CLCN7: variants seen among roughly 807,000 people sequenced by gnomAD.
The protein encoded by CLCN7 is Cl-/H+ antiporter 7.
CLCN7 carries 60 observed loss-of-function variants against 102.1 expected under a neutral mutation model. The ratio of observed to expected loss-of-function variants is 0.59; its 90% confidence interval spans 0.48 to 0.73. The LOEUF is 0.73. CLCN7 is among the 30% of genes least tolerant of loss of function. CLCN7 has a pLI of 0.00. For missense variants in CLCN7, 962 were observed against 1,125.7 expected (o/e 0.85, Z 2.08); for synonymous variants, 560 against 490.5 (o/e 1.14, Z -1.87).
In CLCN7 at chr16:1,448,280, C is replaced by T. The variant is rs1196791308; in HGVS notation, c.2013+75G>A. ...CGTGCAGCTTCCCCATCCTGCAAAC[C>T]TTGCCGTGTGCTTCCCACCAATGGA... On this transcript the variant is annotated intron_variant, in intron 21 of 24. Coordinates refer to ENST00000382745, the MANE Select transcript of CLCN7 (RefSeq NM_001287.6). The T allele has an allele frequency of 8.2e-6, 13 of 1,589,654 alleles. 1 individual carries two copies. In the South Asian group the frequency reaches 1.0e-4, roughly 12 times the overall value.
chr16:1,449,615 G>A (rs567684015), intron 17 of CLCN7: 16 of 514,890 alleles, frequency 3.1e-5, no homozygotes, highest in Middle Eastern at 5.2e-4. Context: ...AGGGAGCACC[G>A]TCCAGCATGA....
chr16:1,447,241 G>T, intron 23 of CLCN7, 151 bp downstream of exon 23: 1 of 1,155,734 alleles, frequency 8.7e-7, no homozygotes, highest in Non-Finnish European at 1.2e-6. Flanking sequence ...CTTGACTTCA[G>T]CTCTAAAGCC....
chr16:1,450,773 GCAAC>G, intron 16 of CLCN7, 107 bp from the exon 17 acceptor site: 1 of 965,582 alleles, frequency 1.0e-6, no homozygotes, highest in Non-Finnish European at 1.5e-6. Context: ...CAGGAGCCCA[GCAAC>G]CTGAGCTCCC....
intron 1 of CLCN7, among the ~76,000 whole-genome samples, 166 bp downstream of exon 1, chr16:1,474,668 C>A (rs1567279469): frequency 6.6e-6 from 1 of 151,992 alleles, no homozygotes. Context: ...CAGGCGCCCC[C>A]GCCAGCCCGG....
rs768525131 is a variant in CLCN7 at position 1,460,902 on chromosome 16, A to G, written c.398T>C (p.Ile133Thr). The G allele has an allele frequency of 7.4e-6, 12 of 1,613,790 alleles. No individual in the cohort carries two copies. Among genetic ancestry groups the G allele is most frequent in the Admixed American group, 3.3e-5 (2 of 60,012 alleles). Residue 133 changes from isoleucine to threonine, a missense_variant, in exon 5 of 25, where the codon ATT becomes ACT. Around this residue, in one of 2 missense-constraint regions of CLCN7, gnomAD observed 799 missense variants for 988.0 expected, o/e 0.81. Transcript: ENST00000382745. ...EIKRWVICAL[I>T]GILTGLVACF... ...GGCCACGAGGCCCGTGAGGATCCCA[A>G]TGAGGGCGCAGATGACCCAGCGCTT...
chr16:1,455,791 C>G lies in CLCN7; in HGVS notation c.921G>C (p.Gly307=), dbSNP rs114169064. 6.2e-7 allele frequency: 1 copy of G among 1,613,330 alleles called. No homozygotes were observed. The highest frequency in any genetic ancestry group is 1.1e-5 in the South Asian group (1 of 91,092). Residue 307 remains glycine, a synonymous_variant, in exon 11 of 25, where the codon GGG becomes GGC. Coordinates refer to ENST00000382745, the MANE Select transcript of CLCN7 (RefSeq NM_001287.6). ...CACCCTCCTCCAAGCTGAACAGGAC[C>G]CCACCTGGAAGGCAGGCGGCCGGCT... ...VSAAFGAPVG[G]VLFSLEEGAS... is the part of the protein sequence containing the mutation.
At position 1,455,583 on chromosome 16, in the gene CLCN7, T is replaced by TGCTTTGG. The variant is rs2038822370; in HGVS notation, c.981+141_981+147dup. 3.4e-6 allele frequency: 3 copies of TGCTTTGG among 877,794 alleles called. No individual in the cohort carries two copies. In the East Asian group the frequency reaches 7.8e-5, roughly 23 times the overall value. The allele number at this position is 877,794 out of a possible 1,614,324, so 54.4% of individuals were successfully genotyped here. A position where few individuals can be genotyped will look rare whatever the true frequency, so the allele number is the denominator to read the frequency against. On this transcript the variant is annotated intron_variant, in intron 11 of 24. Coordinates refer to ENST00000382745, the MANE Select transcript of CLCN7 (RefSeq NM_001287.6). ...AACTGGGCAGCAAAGGCAGGACCGC[T>TGCTTTGG]GCTTTGGGCAGGACCAAGGCCTGAC... is the stretch of plus-strand genomic sequence containing the variant.
chr16:1,455,325 A>T (rs1212333941), intron 11 of CLCN7, 75 bp from the exon 12 acceptor site: 5 of 965,190 alleles, frequency 5.2e-6, no homozygotes, highest in Non-Finnish European at 8.5e-6. Context: ...AGCAGGGACC[A>T]TCGCCCCTCC....
In CLCN7 at chr16:1,452,760, G is replaced by A; in HGVS notation, c.1348C>T (p.Leu450=). 1 of 1,598,668 alleles carries A rather than the reference G, an allele frequency of 6.3e-7. No homozygotes were observed. The highest frequency in any genetic ancestry group is 8.5e-7 in the Non-Finnish European group (1 of 1,173,180). Residue 450 remains leucine, a synonymous_variant, in exon 15 of 25, where the codon CTG becomes TTG. Coordinates refer to ENST00000382745, the MANE Select transcript of CLCN7 (RefSeq NM_001287.6). ...GCCCGGGCCCAGCCTCCCACCTGCAGCGGGTAGGACATGGAGCCCCCCTGC... is the reference window on the plus strand; with the variant it reads ...GCCCGGGCCCAGCCTCCCACCTGCAACGGGTAGGACATGGAGCCCCCCTGC... ...PLQGGSMSYP[L]QLFCADGEYN...
At chr16:1,460,981 G>A (rs756456860) in intron 4 of CLCN7, 33 bp from the exon 5 acceptor site, 7 of 1,608,016 alleles carry the variant, frequency 4.4e-6, no homozygotes, top group South Asian at 3.3e-5. Context: ...GGGTCAGGCA[G>A]GGCCCTGGCG....
Position 1,446,629 on chromosome 16 carries a change from C to A in CLCN7, c.*2G>T. The A allele has an allele frequency of 6.4e-7, 1 of 1,561,700 alleles. No individual in the cohort carries two copies. The highest frequency in any genetic ancestry group is 1.2e-5 in the South Asian group (1 of 85,150). Reference sequence around the variant, plus strand: ...AGTGCCCATTATGGGCAGGGCTGGGCCTCACGTCTGGGCCAGCGAGAGCTC... The same window carrying A: ...AGTGCCCATTATGGGCAGGGCTGGGACTCACGTCTGGGCCAGCGAGAGCTC... On this transcript the variant is annotated 3_prime_UTR_variant, in exon 25 of 25. Coordinates refer to ENST00000382745, the MANE Select transcript of CLCN7 (RefSeq NM_001287.6).
In CLCN7 at chr16:1,450,758, C is replaced by T. The variant is rs946908135; in HGVS notation, c.1448-92G>A. 3.5e-6 allele frequency: 4 copies of T among 1,126,966 alleles called. No homozygotes were observed. In the Admixed American group the frequency reaches 9.3e-5, roughly 26 times the overall value. 69.8% of individuals were successfully genotyped at this position (1,126,966 alleles called of 1,614,324 possible). ...TGCCCAGTCTCGGGCCTCACAGTCA[C>T]CTTCCAGGAGCCCAGCAACCTGAGC... On this transcript the variant is annotated intron_variant, in intron 16 of 24. Coordinates refer to ENST00000382745, the MANE Select transcript of CLCN7 (RefSeq NM_001287.6).
chr16:1,452,761 C>T lies in CLCN7; in HGVS notation c.1347G>A (p.Pro449=), dbSNP rs767593701. Residue 449 remains proline, a synonymous_variant, in exon 15 of 25, where the codon CCG becomes CCA. Coordinates refer to ENST00000382745, the MANE Select transcript of CLCN7 (RefSeq NM_001287.6). ...QPLQGGSMSY[P]LQLFCADGEY... Reference sequence around the variant, plus strand: ...CCCGGGCCCAGCCTCCCACCTGCAGCGGGTAGGACATGGAGCCCCCCTGCA... The same window carrying T: ...CCCGGGCCCAGCCTCCCACCTGCAGTGGGTAGGACATGGAGCCCCCCTGCA... 1.0e-5 allele frequency: 16 copies of T among 1,598,932 alleles called. No homozygotes were observed. In the East Asian group the frequency reaches 2.0e-4, roughly 20 times the overall value.
rs1239831140 is a variant in CLCN7, at chr16:1,465,269, G to C, written c.211C>G (p.Pro71Ala). The change falls in exon 2 of 25, where the codon CCG (proline) becomes GCG (alanine). Residue 71 changes from proline to alanine, a missense_variant and splice_region_variant. Pro to Ala is a conservative substitution (Grantham distance 27). Around this residue, in one of 2 missense-constraint regions of CLCN7, gnomAD observed 163 missense variants for 137.7 expected, o/e 1.18. Transcript: ENST00000382745. Reference sequence around the variant, plus strand: ...GACGGGGAACACCCCCAACTCACCGGGTCCAAAAGTTCATCATCCAGCTCC... The same window carrying C: ...GACGGGGAACACCCCCAACTCACCGCGTCCAAAAGTTCATCATCCAGCTCC... ...SVELDDELLD[P>A]DMDPPHPFPK... 2 of 1,613,490 alleles carry C rather than the reference G, an allele frequency of 1.2e-6. No individual in the cohort carries two copies. The highest frequency in any genetic ancestry group is 1.7e-6 in the Non-Finnish European group (2 of 1,179,748).
chr16:1,456,960 C>G (rs1184772589), intron 9 of CLCN7, among the ~76,000 whole-genome samples: 3 of 152,040 alleles, frequency 2.0e-5, no homozygotes, highest in Admixed American at 6.6e-5. Flanking sequence ...CAGGTGGGCA[C>G]ACTTGGTCTC....
intron 7 of CLCN7, among the ~76,000 whole-genome samples, chr16:1,458,379 T>C (rs1170066280): frequency 2.0e-5 from 3 of 152,262 alleles, no homozygotes; most frequent in African/African-American, 4.8e-5. Flanking sequence ...ACAAAAGTTA[T>C]AGAGCAACAT....
At chr16:1,456,658 G>A (rs1357435246) in intron 9 of CLCN7, among the ~76,000 whole-genome samples, 1 of 152,092 alleles carries the variant, frequency 6.6e-6, no homozygotes. Flanking sequence ...GGCCAACATG[G>A]CAAAACCCCA....
rs542484303 is a variant in CLCN7 at position 1,457,703 on chromosome 16, G to A, written c.729C>T (p.Ala243=). 14 of 1,613,658 alleles carry A rather than the reference G, an allele frequency of 8.7e-6. No homozygotes were observed. Among genetic ancestry groups the A allele is most frequent in the South Asian group, 4.4e-5 (4 of 91,096 alleles). Residue 243 remains alanine, a synonymous_variant, in exon 8 of 25, where the codon GCC becomes GCT. Coordinates refer to ENST00000382745, the MANE Select transcript of CLCN7 (RefSeq NM_001287.6). The surrounding 1 kb of genome is among the most constrained non-coding windows in gnomAD (Gnocchi z 5.4). ...GVILSVVGGL[A]VGKEGPMIHS... is the part of the protein sequence containing the mutation. The stretch of plus-strand genomic sequence containing the variant: ...ATGTGCACTTTGTTACCTTTCCCAC[G>A]GCCAGGCCCCCGACCACGGACAGGA...
intron 19 of CLCN7, 84 bp from the exon 20 acceptor site, chr16:1,448,850 C>T (rs542943954): frequency 1.6e-5 from 25 of 1,594,522 alleles, no homozygotes; most frequent in Middle Eastern, 2.0e-4. Flanking sequence ...GCCCAGAGGC[C>T]GCCCCCAGAA....
Sources: allele counts gnomAD v4.1 joint callset (sites outside exome capture counted in the v4.1 genomes callset), GRCh38; gene constraint gnomAD v4.1.1; regional missense constraint gnomAD v4.1.1; non-coding constraint Gnocchi (gnomAD v3.1); transcripts MANE v1.5; gene names NCBI Gene and HGNC (gene_info 2026-07-23, HGNC 2026-07-21).